The following TULP4 variants were observed in gnomAD, a reference collection of about 807,000 sequenced individuals.
The protein encoded by TULP4 is tubby-related protein 4.
In TULP4, 16 loss-of-function variants were observed where a neutral mutation model predicts 129.0. That is an observed-to-expected ratio of 0.12 (90% CI 0.08 to 0.19). The LOEUF is 0.19. TULP4 is among the 10% of genes least tolerant of loss of function. The probability of loss-of-function intolerance (pLI) is 1.00; values close to 1 mark genes in which losing one functional copy is unlikely to be tolerated. For missense variants in TULP4, 1,842 were observed against 2,059.1 expected, an observed-to-expected ratio of 0.89 and a Z score of 2.04; for synonymous variants, 998 against 854.0, an observed-to-expected ratio of 1.17 and a Z score of -2.94.
chr6:158,308,976 C>T (rs1190416569), upstream of TULP4, among the ~76,000 whole-genome samples: 6 of 144,338 alleles, frequency 4.2e-5, no homozygotes, highest in African/African-American at 1.6e-4. Context: ...GCTGGCCGGG[C>T]AGGGGGCTGA....
Position 158,413,791 on chromosome 6 carries a change from G to A in TULP4, c.381+598G>A, listed in dbSNP as rs1179527036. Among the ~76,000 whole-genome samples, 1 of 152,232 alleles carries A rather than the reference G, an allele frequency of 6.6e-6. No individual in the cohort carries two copies. The highest frequency in any genetic ancestry group is 6.5e-5 in the Admixed American group (1 of 15,286). ...ATAGATTGTTCTGGTTTACAGGACG[G>A]CTTCATGGTGCACCTTTTGTATGGG... On this transcript the variant is annotated intron_variant, in intron 2 of 13. Transcript: ENST00000367097. This position sits in a 1 kb window ranked among gnomAD's most constrained non-coding sequence, Gnocchi z 4.9.
chr6:158,448,844 T>G (rs1779106586), intron 3 of TULP4, 152 bp from the exon 4 acceptor site: 3 of 719,348 alleles, frequency 4.2e-6, no homozygotes, highest in Non-Finnish European at 6.6e-6. Context: ...GAGGTTCTAC[T>G]TAACATTTTG....
intron 1 of TULP4, among the ~76,000 whole-genome samples, chr6:158,264,531 G>A (rs1778414832): frequency 6.6e-6 from 1 of 152,082 alleles, no homozygotes. Flanking sequence ...TACTGGAGTT[G>A]GGGGAAGGCT....
intron 1 of TULP4, among the ~76,000 whole-genome samples, chr6:158,301,603 A>C (rs930974062): frequency 1.2e-4 from 19 of 152,222 alleles, no homozygotes; most frequent in Non-Finnish European, 2.8e-4. Flanking sequence ...TAAACAGACA[A>C]AGTTTTTGAC....
At chr6:158,356,207 A>G (rs1780645200) in intron 1 of TULP4, among the ~76,000 whole-genome samples, 1 of 152,254 alleles carries the variant, frequency 6.6e-6, no homozygotes, top group Non-Finnish European at 1.5e-5. Context: ...CTGAAATTCC[A>G]GGAATGGATG....
At chr6:158,321,686 A>G (rs1779637692) in intron 1 of TULP4, among the ~76,000 whole-genome samples, 2 of 152,094 alleles carry the variant, frequency 1.3e-5, no homozygotes, top group South Asian at 4.1e-4. Flanking sequence ...CTCCCACTGT[A>G]TCTGACTTCC....
intron 3 of TULP4, among the ~76,000 whole-genome samples, chr6:158,440,041 T>C (rs1778850765): frequency 6.6e-6 from 1 of 151,476 alleles, no homozygotes; most frequent in Admixed American, 6.6e-5. Context: ...AAAAAATAAA[T>C]CTGACCTGGC....
Position 158,413,283 on chromosome 6 carries a change from C to A in TULP4, c.381+90C>A. 7.0e-7 allele frequency: 1 copy of A among 1,420,564 alleles called. No individual in the cohort carries two copies. The allele number at this position is 1,420,564 out of a possible 1,614,324, so 88.0% of individuals were successfully genotyped here. A position where few individuals can be genotyped will look rare whatever the true frequency, so the allele number is the denominator to read the frequency against. ...CCGGAGCCAGTGCGTTAGCACCACA[C>A]AGCGCCACGTGCTCCAGAGCTGGGG... On this transcript the variant is annotated intron_variant, in intron 2 of 13. Transcript: ENST00000367097. The surrounding 1 kb of genome is among the most constrained non-coding windows in gnomAD (Gnocchi z 4.9).
intron 1 of TULP4, among the ~76,000 whole-genome samples, chr6:158,253,717 G>A (rs988630198): frequency 3.9e-5 from 6 of 152,006 alleles, no homozygotes; most frequent in Admixed American, 6.6e-5. Flanking sequence ...CCTACAGAAC[G>A]CCACTGCCCT....
rs1384036213 is a variant in TULP4, at chr6:158,451,984, T to G, written c.725-150T>G. On this transcript the variant is annotated intron_variant, in intron 4 of 13. Coordinates refer to ENST00000367097, the MANE Select transcript of TULP4 (RefSeq NM_020245.5). Reference sequence around the variant, plus strand: ...GCCCTTGTGTAGTTCCTGAATGATATAGAATGTTTCATTCAGGTAGCATCC... The same window carrying G: ...GCCCTTGTGTAGTTCCTGAATGATAGAGAATGTTTCATTCAGGTAGCATCC... 4.3e-6 allele frequency: 5 copies of G among 1,170,102 alleles called. No homozygotes were observed. The African/African-American group carries it at 6.1e-5, about 14-fold the overall frequency. The allele number at this position is 1,170,102 out of a possible 1,614,324, so 72.5% of individuals were successfully genotyped here.
At position 158,502,052 on chromosome 6, in the gene TULP4, C is replaced by T. The variant is rs1582884122; in HGVS notation, c.2389C>T (p.His797Tyr). 6.2e-7 allele frequency: 1 copy of T among 1,613,546 alleles called. No individual in the cohort carries two copies. Among genetic ancestry groups the T allele is most frequent in the Non-Finnish European group, 8.5e-7 (1 of 1,179,814 alleles). The change falls in exon 13 of 14, where the codon CAC becomes TAC. Residue 797 changes from histidine (H) to tyrosine (Y), a missense_variant. Transcript: ENST00000367097. The stretch of plus-strand genomic sequence containing the variant: ...GGGCCATGGAGACCGAGACCACGAA[C>T]ACCTGCAGAAGTCAGCCAAGGCCCT... The part of the protein sequence containing the change: ...TVGHGDRDHE[H>Y]LQKSAKALRP...
intron 1 of TULP4, among the ~76,000 whole-genome samples, chr6:158,288,981 T>C (rs1341760949): frequency 1.3e-5 from 2 of 152,224 alleles, no homozygotes; most frequent in Non-Finnish European, 2.9e-5. Context: ...AATATTCTGA[T>C]TGAGTTTGTG....
At chr6:158,334,413 A>G (rs1779985318) in intron 1 of TULP4, among the ~76,000 whole-genome samples, 1 of 152,206 alleles carries the variant, frequency 6.6e-6, no homozygotes, top group South Asian at 2.1e-4. Context: ...TTTTCTTAAT[A>G]ATGTTTTCTT....
chr6:158,369,075 A>C (rs527560265), intron 1 of TULP4, among the ~76,000 whole-genome samples: 1 of 152,352 alleles, frequency 6.6e-6, no homozygotes, highest in South Asian at 2.1e-4. Flanking sequence ...AAAAAATACA[A>C]ATAGATTTTC....
At chr6:158,364,179 T>C (rs946125963) in intron 1 of TULP4, among the ~76,000 whole-genome samples, 1 of 152,178 alleles carries the variant, frequency 6.6e-6, no homozygotes, top group Admixed American at 6.5e-5. Context: ...ATGAAAAATA[T>C]TGTATAATAT....
chr6:158,352,012 A>G (rs1235392054), intron 1 of TULP4, among the ~76,000 whole-genome samples: 1 of 151,694 alleles, frequency 6.6e-6, no homozygotes, highest in Non-Finnish European at 1.5e-5. Flanking sequence ...GTGAGCTACC[A>G]CACCCAGCCC....
At chr6:158,235,188 A>AG (rs1319317104) in intron 1 of TULP4, among the ~76,000 whole-genome samples, 1 of 152,040 alleles carries the variant, frequency 6.6e-6, no homozygotes, top group Non-Finnish European at 1.5e-5. Flanking sequence ...AAAGAAAAAA[A>AG]AAAAAAACTT....
chr6:158,499,884 A>G lies in TULP4; in HGVS notation c.2014+1072A>G, dbSNP rs1780405799. Among the ~76,000 whole-genome samples, 6 of 152,262 alleles carry G rather than the reference A, an allele frequency of 3.9e-5. 1 individual carries two copies. Among genetic ancestry groups the G allele is most frequent in the Admixed American group, 2.6e-4 (4 of 15,294 alleles). On this transcript the variant is annotated intron_variant, in intron 12 of 13. Coordinates refer to ENST00000367097, the MANE Select transcript of TULP4 (RefSeq NM_020245.5). ...ATGATTTATACTGCACTTTCCAACA[A>G]TAGCCATCTTGCTTCTCTGTTGGTG...
intron 1 of TULP4, among the ~76,000 whole-genome samples, chr6:158,353,613 C>T (rs1780576921): frequency 6.6e-6 from 1 of 152,182 alleles, no homozygotes; most frequent in Non-Finnish European, 1.5e-5. Flanking sequence ...TTTCAGTCTA[C>T]AAGTTTACAG....
Sources: gnomAD v4.1 joint callset for allele counts (sites outside exome capture counted in the v4.1 genomes callset) on GRCh38, gnomAD v4.1.1 for gene constraint, Gnocchi (gnomAD v3.1) non-coding constraint, MANE v1.5 for transcripts, NCBI Gene and HGNC (gene_info 2026-07-23, HGNC 2026-07-21) for gene names.